The following NUP54 variants were observed in gnomAD, a reference collection of about 807,000 sequenced individuals.
NUP54 encodes the protein nucleoporin 54.
Under a neutral mutation model 66.4 loss-of-function variants are expected in NUP54, and 27 were observed. The observed-to-expected ratio is 0.41, with a 90% CI of 0.30 to 0.56. The LOEUF (loss-of-function observed/expected upper bound fraction) is 0.56, where lower values mean the gene tolerates loss of function less well. Among genes scored for constraint, NUP54 ranks in the 20% least tolerant of loss-of-function variants. NUP54 has a pLI of 0.34. For synonymous variants in NUP54, 206 were observed against 210.7 expected (o/e 0.98, Z 0.19); for missense variants, 486 against 596.3 (o/e 0.82, Z 1.93).
intron 9 of NUP54, among the ~76,000 whole-genome samples, chr4:76,119,548 T>C (rs1247558504): frequency 6.6e-6 from 1 of 151,694 alleles, no homozygotes; most frequent in Non-Finnish European, 1.5e-5. Flanking sequence ...TTTTCTTTTT[T>C]TTTTTTTTTA....
chr4:76,147,796 T>G (rs1731568996), intron 1 of NUP54: 5 of 418,576 alleles, frequency 1.2e-5, no homozygotes, highest in African/African-American at 4.3e-5. Flanking sequence ...AGAGTGGGGG[T>G]GGGGTGGGGC....
chr4:76,127,158 C>T lies in NUP54; in HGVS notation c.1057-2402G>A, dbSNP rs530111925. 8.9e-4 allele frequency among the ~76,000 whole-genome samples: 136 copies of T among 152,034 alleles called. 1 individual carries two copies. Among genetic ancestry groups the T allele is most frequent in the Non-Finnish European group, 9.9e-4 (67 of 67,998 alleles). On this transcript the variant is annotated intron_variant, in intron 8 of 11. Coordinates refer to ENST00000264883, the MANE Select transcript of NUP54 (RefSeq NM_017426.4). ...GCAATATTAAAAATATAGGGCTGGG[C>T]GCAGTGGCTCACGCCTGTAATCCCA...
intron 4 of NUP54, 80 bp from the exon 5 acceptor site, chr4:76,134,442 T>C: frequency 8.8e-7 from 1 of 1,136,362 alleles, no homozygotes; most frequent in South Asian, 1.5e-5. Flanking sequence ...GCTTAATATC[T>C]GCTAAAATGG....
rs1223819569 is a variant in NUP54, at chr4:76,119,546, T to C, written c.1165-1352A>G. Among the ~76,000 whole-genome samples the C allele has an allele frequency of 4.6e-5, 7 of 150,608 alleles. No homozygotes were observed. The East Asian group carries it at 9.7e-4, about 21-fold the overall frequency. On this transcript the variant is annotated intron_variant, in intron 9 of 11. Coordinates refer to ENST00000264883, the MANE Select transcript of NUP54 (RefSeq NM_017426.4). ...CATGCCTGGCTAATTTTTTTTCTTT[T>C]TTTTTTTTTTTAGTAGAGATGAGGT...
intron 9 of NUP54, among the ~76,000 whole-genome samples, chr4:76,122,629 T>C (rs945898913): frequency 1.3e-5 from 2 of 152,244 alleles, no homozygotes; most frequent in Non-Finnish European, 2.9e-5. Flanking sequence ...GTACAGTTGC[T>C]TTGGAAAACA....
chr4:76,128,129 G>A (rs1027023658), intron 8 of NUP54, among the ~76,000 whole-genome samples: 2 of 152,242 alleles, frequency 1.3e-5, no homozygotes, highest in South Asian at 2.1e-4. Context: ...AGTGGGAGGA[G>A]ATACATCGTA....
Position 76,136,178 on chromosome 4 carries a change from A to G in NUP54, c.522+8T>C. The G allele has an allele frequency of 1.9e-6, 3 of 1,585,244 alleles. No individual in the cohort carries two copies. Among genetic ancestry groups the G allele is most frequent in the Non-Finnish European group, 1.7e-6 (2 of 1,154,010 alleles). On this transcript the variant is annotated splice_region_variant and intron_variant, in intron 4 of 11. Transcript: ENST00000264883. ...TTCAACTGAAGATAAAAATAGTATT[A>G]ATAATACCTTAAATCGGCAAAAGGG...
intron 3 of NUP54, among the ~76,000 whole-genome samples, chr4:76,136,713 T>C (rs184706365): frequency 4.5e-4 from 68 of 152,156 alleles, no homozygotes; most frequent in African/African-American, 1.4e-3. Context: ...TGTTGGCATA[T>C]GGCAAGATGG....
intron 11 of NUP54, among the ~76,000 whole-genome samples, chr4:76,117,087 C>A (rs528758294): frequency 3.9e-5 from 6 of 152,194 alleles, no homozygotes; most frequent in Non-Finnish European, 8.8e-5. Flanking sequence ...TCCTCCCATC[C>A]CCTCCTCCCC....
intron 3 of NUP54, among the ~76,000 whole-genome samples, 159 bp from the exon 4 acceptor site, chr4:76,136,571 G>A (rs1459977656): frequency 1.3e-5 from 2 of 152,150 alleles, no homozygotes; most frequent in African/African-American, 4.8e-5. Context: ...AAGGGCCTTT[G>A]TAGATGTGAT....
chr4:76,127,399 T>G (rs1159606254), intron 8 of NUP54, among the ~76,000 whole-genome samples: 1 of 122,532 alleles, frequency 8.2e-6, no homozygotes, highest in African/African-American at 3.3e-5. Flanking sequence ...GCCACTGCAC[T>G]CCAGCCTGGG....
At chr4:76,123,310 G>A (rs935408846) in intron 9 of NUP54, among the ~76,000 whole-genome samples, 1 of 152,122 alleles carries the variant, frequency 6.6e-6, no homozygotes, top group Admixed American at 6.5e-5. Context: ...CTCTTTTGTG[G>A]TTAGACAAAA....
In NUP54 at chr4:76,147,935, C is replaced by T. The variant is rs369817672; in HGVS notation, c.67+373G>A. 1.6e-5 allele frequency: 5 copies of T among 310,684 alleles called. No individual in the cohort carries two copies. In the South Asian group the frequency reaches 2.2e-4, roughly 14 times the overall value. The allele number at this position is 310,684 out of a possible 1,614,324, so 19.2% of individuals were successfully genotyped here. ...TCCTCGCCGAGTCCGGCAGCGGGAACCACGCAAGCGTTCCCGCCCATCCAG... is the reference window on the plus strand; with the variant it reads ...TCCTCGCCGAGTCCGGCAGCGGGAATCACGCAAGCGTTCCCGCCCATCCAG... On this transcript the variant is annotated intron_variant, in intron 1 of 11. Coordinates refer to ENST00000264883, the MANE Select transcript of NUP54 (RefSeq NM_017426.4).
intron 4 of NUP54, among the ~76,000 whole-genome samples, chr4:76,135,939 A>AT (rs1434427201): frequency 1.3e-5 from 2 of 151,886 alleles, no homozygotes; most frequent in African/African-American, 2.4e-5. Context: ...TCCTGTTTAC[A>AT]TTTTTTTTCT....
chr4:76,124,805 T>C, intron 8 of NUP54, 49 bp from the exon 9 acceptor site: 1 of 733,786 alleles, frequency 1.4e-6, no homozygotes, highest in Admixed American at 2.0e-5. Context: ...ATATCACAAC[T>C]ATTTATCAGT....
At chr4:76,131,567 T>C (rs2109883500) in intron 6 of NUP54, among the ~76,000 whole-genome samples, 1 of 151,808 alleles carries the variant, frequency 6.6e-6, no homozygotes, top group East Asian at 1.9e-4. Flanking sequence ...ATCTAGAAAA[T>C]GGGCAAAGGA....
chr4:76,144,844 T>G (rs1731418908), intron 1 of NUP54, among the ~76,000 whole-genome samples: 1 of 152,188 alleles, frequency 6.6e-6, no homozygotes, highest in South Asian at 2.1e-4. Flanking sequence ...TTTAGACTGA[T>G]AACAGTAAAG....
At position 76,134,203 on chromosome 4, in the gene NUP54, C is replaced by G; in HGVS notation, c.682G>C (p.Glu228Gln). ...TCATCTGGCAATGTTTTAGTGCCCT[C>G]TACATTTACAGTAAGGGTCTGGTTT... ...GGNQTLTVNV[E>Q]GTKTLPDDQT... The change falls in exon 5 of 12, where the codon GAG becomes CAG. Residue 228 changes from glutamate (E) to glutamine (Q), a missense_variant. Transcript: ENST00000264883. 7 of 1,613,084 alleles carry G rather than the reference C, an allele frequency of 4.3e-6. No homozygotes were observed. Among genetic ancestry groups the G allele is most frequent in the Non-Finnish European group, 5.9e-6 (7 of 1,179,216 alleles).
rs973627571 is a variant in NUP54 at position 76,134,106 on chromosome 4, A to T, written c.710+69T>A. ...TAATTTGTGCTTTAGCAACAAAAAC[A>T]TTATTGATCACTCCCTTAGGACCAG... On this transcript the variant is annotated intron_variant, in intron 5 of 11. Coordinates refer to ENST00000264883, the MANE Select transcript of NUP54 (RefSeq NM_017426.4). 3.5e-6 allele frequency: 4 copies of T among 1,127,068 alleles called. No individual in the cohort carries two copies. The African/African-American group carries it at 6.4e-5, about 18-fold the overall frequency. 69.8% of individuals were successfully genotyped at this position (1,127,068 alleles called of 1,614,324 possible). A position where few individuals can be genotyped will look rare whatever the true frequency, so the allele number is the denominator to read the frequency against.
Sources: allele counts gnomAD v4.1 joint callset (sites outside exome capture counted in the v4.1 genomes callset), GRCh38; gene constraint gnomAD v4.1.1; transcripts MANE v1.5; gene names NCBI Gene and HGNC (gene_info 2026-07-23, HGNC 2026-07-21).